Variants in RAB10 observed in about 807,000 individuals in gnomAD.
The protein encoded by RAB10 is RAB10, member RAS oncogene family.
Under a neutral mutation model 25.7 loss-of-function variants are expected in RAB10, and 5 were observed. That is an observed-to-expected ratio of 0.19 (90% CI 0.10 to 0.41). RAB10 has a LOEUF of 0.41. Among genes scored for constraint, RAB10 ranks in the 10% least tolerant of loss-of-function variants. The pLI, the probability that RAB10 is intolerant of heterozygous loss-of-function variation, is 1.00. For missense variants in RAB10, 103 were observed against 245.8 expected (o/e 0.42, Z 3.89); for synonymous variants, 89 against 86.4 (o/e 1.03, Z -0.16).
chr2:26,066,056 G>A (rs1033181526), intron 1 of RAB10, among the ~76,000 whole-genome samples: 1 of 152,188 alleles, frequency 6.6e-6, no homozygotes, highest in Non-Finnish European at 1.5e-5. Flanking sequence ...ACAGTAATAT[G>A]AGATGTTTTA....
At chr2:26,096,046 C>G (rs1013742483) in intron 1 of RAB10, among the ~76,000 whole-genome samples, 2 of 152,162 alleles carry the variant, frequency 1.3e-5, no homozygotes, top group Non-Finnish European at 2.9e-5. Flanking sequence ...AGCAATTTCT[C>G]TTGGAGAAAT....
At chr2:26,110,928 ACTT>A (rs1667556677) in intron 3 of RAB10, among the ~76,000 whole-genome samples, 1 of 152,058 alleles carries the variant, frequency 6.6e-6, no homozygotes, top group Non-Finnish European at 1.5e-5. Context: ...CTGGTCTTGA[ACTT>A]CTGGCCTCAA....
intron 1 of RAB10, among the ~76,000 whole-genome samples, chr2:26,095,468 A>G (rs1179230660): frequency 1.3e-5 from 2 of 152,166 alleles, no homozygotes; most frequent in African/African-American, 2.4e-5. Context: ...TTAGCCAGGC[A>G]TGGTGGCGGA....
intron 1 of RAB10, among the ~76,000 whole-genome samples, chr2:26,077,910 C>T (rs905282393): frequency 2.0e-5 from 3 of 151,886 alleles, no homozygotes; most frequent in East Asian, 1.9e-4. Flanking sequence ...TCCCGGGAGG[C>T]GGGGTTTGCA....
At chr2:26,071,617 G>T (rs149418614) in intron 1 of RAB10, among the ~76,000 whole-genome samples, 2,294 of 152,172 alleles carry the variant, frequency 0.015, 40 homozygotes, top group African/African-American at 0.04. Flanking sequence ...GAACCTGGGA[G>T]GCAGAGGTTG....
intron 2 of RAB10, among the ~76,000 whole-genome samples, chr2:26,103,780 TTGTC>T (rs1667392483): frequency 1.3e-5 from 2 of 152,262 alleles, no homozygotes; most frequent in Non-Finnish European, 2.9e-5. Flanking sequence ...CTGATCAACT[TTGTC>T]TGTATAAAAT....
intron 1 of RAB10, among the ~76,000 whole-genome samples, chr2:26,084,157 G>C (rs1574543764): frequency 6.6e-6 from 1 of 152,158 alleles, no homozygotes; most frequent in East Asian, 1.9e-4. Flanking sequence ...CACATGGCCT[G>C]TTCCCTTACC....
Position 26,105,471 on chromosome 2 carries a change from A to G in RAB10, c.189-4297A>G, listed in dbSNP as rs186303081. ...TTTGAGACCAGCCTGGCCAACATAC[A>G]TAGTGAAACCCCATCTCTACTAAAA... is the stretch of plus-strand genomic sequence containing the variant. On this transcript the variant is annotated intron_variant, in intron 2 of 5. Transcript: ENST00000264710. Among the ~76,000 whole-genome samples, 9 of 152,156 alleles carry G rather than the reference A, an allele frequency of 5.9e-5. No homozygotes were observed. In the East Asian group the frequency reaches 1.7e-3, roughly 29 times the overall value.
At chr2:26,089,768 T>TA (rs1392220211) in intron 1 of RAB10, among the ~76,000 whole-genome samples, 4 of 152,220 alleles carry the variant, frequency 2.6e-5, no homozygotes, top group Non-Finnish European at 5.9e-5. Context: ...TTAATACTCT[T>TA]ACACCACCAG....
At chr2:26,038,179 C>T (rs1447758345) in intron 1 of RAB10, among the ~76,000 whole-genome samples, 1 of 151,408 alleles carries the variant, frequency 6.6e-6, no homozygotes, top group African/African-American at 2.4e-5. Flanking sequence ...AGCCACCACA[C>T]TGCCCTCCTT....
intron 5 of RAB10, among the ~76,000 whole-genome samples, chr2:26,131,864 A>G (rs1668019635): frequency 6.6e-6 from 1 of 152,204 alleles, no homozygotes; most frequent in African/African-American, 2.4e-5. Flanking sequence ...ATTACATGCT[A>G]TTCCTTTGAT....
chr2:26,124,389 C>CTTTTTTTTTTTTTTTTTTTT lies in RAB10; in HGVS notation c.328-2746_328-2727dup, dbSNP rs10669615. Among the ~76,000 whole-genome samples the CTTTTTTTTTTTTTTTTTTTT allele has an allele frequency of 8.1e-4, 16 of 19,678 alleles. 6 individuals carry two copies. The highest frequency in any genetic ancestry group is 9.4e-4 in the Non-Finnish European group (11 of 11,742). 12.9% of individuals were successfully genotyped at this position (19,678 alleles called of 152,430 possible). ...GTTGTTTTTCTTATTGTTGTTGTTG[C>CTTTTTTTTTTTTTTTTTTTT]TTTTTTTTTTTTTTTTTTTTTTTTT... On this transcript the variant is annotated intron_variant, in intron 3 of 5. Coordinates refer to ENST00000264710, the MANE Select transcript of RAB10 (RefSeq NM_016131.5).
rs999937179 is a variant in RAB10 at position 26,077,354 on chromosome 2, C to T, written c.128-21308C>T. Among the ~76,000 whole-genome samples the T allele has an allele frequency of 2.6e-5, 4 of 152,102 alleles. No homozygotes were observed. In the East Asian group the frequency reaches 5.8e-4, roughly 22 times the overall value. On this transcript the variant is annotated intron_variant, in intron 1 of 5. Coordinates refer to ENST00000264710, the MANE Select transcript of RAB10 (RefSeq NM_016131.5). ...GTGCATAGAGAAACACATTAATTTC[C>T]TGCTTTTGTGGTGTTGCTTCTCTTG...
chr2:26,083,032 C>G (rs992447586), intron 1 of RAB10, among the ~76,000 whole-genome samples: 2 of 152,134 alleles, frequency 1.3e-5, no homozygotes, highest in East Asian at 3.9e-4. Flanking sequence ...TGATGAAATA[C>G]ACCTCATGAT....
chr2:26,052,308 CCTGGGAGGTTGAGG>C (rs1666155581), intron 1 of RAB10, among the ~76,000 whole-genome samples: 1 of 151,766 alleles, frequency 6.6e-6, no homozygotes, highest in Non-Finnish European at 1.5e-5. Context: ...ACTGCTTGAG[CCTGGGAGGTTGAGG>C]CTGTAGAGAC....
At chr2:26,132,989 T>G (rs911468694) in intron 5 of RAB10, among the ~76,000 whole-genome samples, 1 of 152,102 alleles carries the variant, frequency 6.6e-6, no homozygotes, top group African/African-American at 2.4e-5. Context: ...AGGAGCAAAG[T>G]CACTTGTACT....
intron 3 of RAB10, among the ~76,000 whole-genome samples, chr2:26,110,770 A>G (rs1035477602): frequency 1.3e-5 from 2 of 152,144 alleles, no homozygotes; most frequent in African/African-American, 2.4e-5. Flanking sequence ...CAGTGGCACA[A>G]TCTTGGCTCA....
At chr2:26,081,986 C>A (rs945462294) in intron 1 of RAB10, among the ~76,000 whole-genome samples, 4 of 151,660 alleles carry the variant, frequency 2.6e-5, no homozygotes, top group Non-Finnish European at 4.4e-5. Flanking sequence ...GGATGGAAAT[C>A]GAAACTTACA....
chr2:26,092,875 G>GT (rs1310383525), intron 1 of RAB10, among the ~76,000 whole-genome samples: 1 of 152,150 alleles, frequency 6.6e-6, no homozygotes, highest in East Asian at 1.9e-4. Context: ...AATATGGACT[G>GT]TAGAAGTAGG....
Sources: gnomAD v4.1 joint callset for allele counts (sites outside exome capture counted in the v4.1 genomes callset) on GRCh38, gnomAD v4.1.1 for gene constraint, MANE v1.5 for transcripts, NCBI Gene and HGNC (gene_info 2026-07-23, HGNC 2026-07-21) for gene names.